Variants in LYPD6 observed in about 807,000 individuals in gnomAD.
LYPD6 encodes the protein ly6/PLAUR domain-containing protein 6.
A neutral mutation model predicts 22.7 loss-of-function variants in LYPD6; 15 were observed. That is an observed-to-expected ratio of 0.66 (90% CI 0.44 to 1.02). The LOEUF is 1.02. Among genes scored for constraint, LYPD6 ranks in the 50% least tolerant of loss-of-function variants. The probability of loss-of-function intolerance (pLI) is 0.00; values close to 1 mark genes in which losing one functional copy is unlikely to be tolerated. For synonymous variants in LYPD6, 72 were observed against 77.5 expected, an observed-to-expected ratio of 0.93 and a Z score of 0.37; for missense variants, 189 against 208.4, an observed-to-expected ratio of 0.91 and a Z score of 0.57.
At chr2:149,449,812 G>C (rs1048541194) in intron 3 of LYPD6, among the ~76,000 whole-genome samples, 6 of 152,122 alleles carry the variant, frequency 3.9e-5, no homozygotes, top group African/African-American at 1.4e-4. Context: ...CTATTTATTT[G>C]GTGGGGGTAG....
rs567910229 is a variant in LYPD6 at position 149,446,712 on chromosome 2, G to A, written c.119-2337G>A. ...TGAGTTACTATGTGAGAGAGAGCAC[G>A]CAGATGGGCCCATAAAAAGTTCCGA... On this transcript the variant is annotated intron_variant, in intron 2 of 4. Transcript: ENST00000334166. Among the ~76,000 whole-genome samples, 5 of 152,248 alleles carry A rather than the reference G, an allele frequency of 3.3e-5. No individual in the cohort carries two copies. In the East Asian group the frequency reaches 5.8e-4, roughly 18 times the overall value.
rs192101303 is a variant in LYPD6, at chr2:149,404,153, A to T, written c.-71-33485A>T. ...TACTGTAGGCTTGTAGTATGGTTTG[A>T]AGTCAGGTGGCGTGATGCCTCCAGC... On this transcript the variant is annotated intron_variant, in intron 1 of 4. Coordinates refer to ENST00000334166, the MANE Select transcript of LYPD6 (RefSeq NM_194317.5). Among the ~76,000 whole-genome samples the T allele has an allele frequency of 8.5e-5, 13 of 152,228 alleles. 1 individual carries two copies. Among genetic ancestry groups the T allele is most frequent in the Admixed American group, 7.2e-4 (11 of 15,294 alleles).
intron 1 of LYPD6, among the ~76,000 whole-genome samples, chr2:149,365,146 G>A (rs1436765973): frequency 6.6e-6 from 1 of 152,110 alleles, no homozygotes; most frequent in Admixed American, 6.5e-5. Flanking sequence ...TCACTTCTAG[G>A]CTTATTAATA....
intron 1 of LYPD6, among the ~76,000 whole-genome samples, chr2:149,392,119 G>T (rs1441348226): frequency 6.6e-6 from 1 of 152,154 alleles, no homozygotes; most frequent in Non-Finnish European, 1.5e-5. Flanking sequence ...GGATGGGGTG[G>T]TTAGGGCAGA....
intron 1 of LYPD6, among the ~76,000 whole-genome samples, chr2:149,354,682 C>A (rs1003918100): frequency 6.6e-6 from 1 of 152,162 alleles, no homozygotes; most frequent in Non-Finnish European, 1.5e-5. Context: ...CAACCACCTG[C>A]TCACCTTTTC....
chr2:149,346,936 T>C (rs925215486), intron 1 of LYPD6, among the ~76,000 whole-genome samples: 2 of 152,196 alleles, frequency 1.3e-5, no homozygotes, highest in Admixed American at 6.5e-5. Context: ...CTTCACCTTA[T>C]GATCCGCCCG....
At chr2:149,385,505 CT>C (rs1682163260) in intron 1 of LYPD6, among the ~76,000 whole-genome samples, 1 of 152,142 alleles carries the variant, frequency 6.6e-6, no homozygotes, top group South Asian at 2.1e-4. Flanking sequence ...ACCTTGGTGA[CT>C]TTTTTGCTAA....
chr2:149,430,450 A>G (rs751202497), intron 1 of LYPD6, among the ~76,000 whole-genome samples: 1 of 152,184 alleles, frequency 6.6e-6, no homozygotes, highest in South Asian at 2.1e-4. Flanking sequence ...CCCAAATTGC[A>G]TGAAAGGTGC....
intron 1 of LYPD6, among the ~76,000 whole-genome samples, chr2:149,379,970 C>T (rs1682022732): frequency 1.3e-5 from 2 of 152,102 alleles, no homozygotes; most frequent in African/African-American, 4.8e-5. Context: ...CGAAACAGAG[C>T]AGAGGAACGG....
intron 3 of LYPD6, among the ~76,000 whole-genome samples, chr2:149,464,915 A>G (rs559577174): frequency 6.6e-6 from 1 of 152,150 alleles, no homozygotes; most frequent in African/African-American, 2.4e-5. Flanking sequence ...CCTTCCTGAG[A>G]TAGACACATG....
rs562713677 is a variant in LYPD6 at position 149,336,934 on chromosome 2, T to G, written c.-72+6212T>G. ...GGGCAGCATGTTGAAATAACGTGTG[T>G]GTGTGTGTGTGTGTGTGTGTGTGTG... is the stretch of plus-strand genomic sequence containing the variant. On this transcript the variant is annotated intron_variant, in intron 1 of 4. Coordinates refer to ENST00000334166, the MANE Select transcript of LYPD6 (RefSeq NM_194317.5). Among the ~76,000 whole-genome samples the G allele has an allele frequency of 1.8e-3, 271 of 149,786 alleles. 2 individuals carry two copies. Among genetic ancestry groups the G allele is most frequent in the Admixed American group, 4.7e-3 (66 of 14,072 alleles).
intron 1 of LYPD6, among the ~76,000 whole-genome samples, chr2:149,418,015 A>C (rs1301520316): frequency 6.6e-6 from 1 of 152,184 alleles, no homozygotes; most frequent in Non-Finnish European, 1.5e-5. Flanking sequence ...CAGTGTAATA[A>C]ATATTGGAGG....
At chr2:149,477,622 CAAAAAAAAAAAA>C (rs35507967), downstream of LYPD6, among the ~76,000 whole-genome samples, 2 of 62,922 alleles carry the variant, frequency 3.2e-5, no homozygotes, top group East Asian at 5.8e-4. Flanking sequence ...AACTGTGTCT[CAAAAAAAAAAAA>C]AAAAAAAAAA....
At chr2:149,484,310 T>C in the LYPD6 span, among the ~76,000 whole-genome samples, 1 of 152,222 alleles carries the variant, frequency 6.6e-6, no homozygotes, top group Non-Finnish European at 1.5e-5. Flanking sequence ...ATAAGTGATC[T>C]AGTGTCAATG....
intron 1 of LYPD6, among the ~76,000 whole-genome samples, chr2:149,367,304 G>A (rs1298953419): frequency 2.6e-5 from 4 of 152,106 alleles, no homozygotes; most frequent in African/African-American, 9.7e-5. Flanking sequence ...TTTGTTGAGG[G>A]CTTTTGGACT....
At chr2:149,395,162 C>T (rs1682401136) in intron 1 of LYPD6, among the ~76,000 whole-genome samples, 1 of 151,114 alleles carries the variant, frequency 6.6e-6, no homozygotes, top group South Asian at 2.1e-4. Flanking sequence ...ATAAGCTGTT[C>T]TCTCCACCAT....
intron 1 of LYPD6, among the ~76,000 whole-genome samples, chr2:149,391,481 T>C (rs1465494134): frequency 6.6e-6 from 1 of 152,102 alleles, no homozygotes; most frequent in Admixed American, 6.5e-5. Context: ...TTTAAACTTA[T>C]TTTGTTACTG....
chr2:149,444,077 G>A (rs980438090), intron 2 of LYPD6, among the ~76,000 whole-genome samples: 1 of 151,876 alleles, frequency 6.6e-6, no homozygotes, highest in African/African-American at 2.4e-5. Flanking sequence ...GGGACCACAG[G>A]TGTGCGCCAC....
Position 149,419,829 on chromosome 2 carries a change from G to GGT in LYPD6, c.-71-17788_-71-17787dup, listed in dbSNP as rs61066659. 3.2e-3 allele frequency among the ~76,000 whole-genome samples: 484 copies of GGT among 149,914 alleles called. 1 individual carries two copies. Among genetic ancestry groups the GGT allele is most frequent in the Middle Eastern group, 0.01 (3 of 290 alleles). On this transcript the variant is annotated intron_variant, in intron 1 of 4. Transcript: ENST00000334166. Reference sequence around the variant, plus strand: ...ATAATTCTCTACAATATGTGCTCAGGGTGTGTGTGTGTGTGTGTGTGTCTG... The same window carrying GGT: ...ATAATTCTCTACAATATGTGCTCAGGGTGTGTGTGTGTGTGTGTGTGTGTCTG...
Sources: gnomAD v4.1 joint callset for allele counts (sites outside exome capture counted in the v4.1 genomes callset) on GRCh38, gnomAD v4.1.1 for gene constraint, MANE v1.5 for transcripts, NCBI Gene and HGNC (gene_info 2026-07-23, HGNC 2026-07-21) for gene names.